PRKCE: variants seen among roughly 807,000 people sequenced by gnomAD.
PRKCE encodes protein kinase C epsilon.
A neutral mutation model predicts 85.4 loss-of-function variants in PRKCE; 16 were observed. That is an observed-to-expected ratio of 0.19 (90% confidence interval 0.13 to 0.28). PRKCE has a LOEUF of 0.28. Among genes scored for constraint, PRKCE ranks in the 10% least tolerant of loss-of-function variants. The pLI, the probability that PRKCE is intolerant of heterozygous loss-of-function variation, is 1.00. For missense variants in PRKCE, 573 were observed against 975.2 expected (o/e 0.59, Z 5.49); for synonymous variants, 388 against 371.5 (o/e 1.04, Z -0.51).
chr2:45,993,549 A>G (rs1379179402), intron 6 of PRKCE, among the ~76,000 whole-genome samples: 1 of 152,220 alleles, frequency 6.6e-6, no homozygotes, highest in African/African-American at 2.4e-5. Flanking sequence ...TGCCAGCCCA[A>G]GTTGTTTTGT....
intron 6 of PRKCE, among the ~76,000 whole-genome samples, chr2:45,987,747 T>C (rs1703454057): frequency 1.3e-5 from 2 of 152,232 alleles, no homozygotes; most frequent in South Asian, 4.1e-4. Context: ...CAGTGCTCGT[T>C]ATCTACCATG....
At chr2:46,108,803 T>C (rs906914098) in intron 11 of PRKCE, among the ~76,000 whole-genome samples, 1 of 152,172 alleles carries the variant, frequency 6.6e-6, no homozygotes. Context: ...GTCTCCTGTG[T>C]TTTATTGTAG....
intron 1 of PRKCE, among the ~76,000 whole-genome samples, chr2:45,762,112 T>C (rs1684560006): frequency 6.6e-6 from 1 of 152,166 alleles, no homozygotes; most frequent in South Asian, 2.1e-4. Context: ...CATTTTATCG[T>C]ATCAAAAATA....
intron 2 of PRKCE, among the ~76,000 whole-genome samples, chr2:45,855,561 T>C (rs1289401836): frequency 6.6e-6 from 1 of 152,178 alleles, no homozygotes; most frequent in Non-Finnish European, 1.5e-5. Context: ...TAAAACACAG[T>C]GCATCGGTGT....
At chr2:46,019,363 T>C (rs1706443843) in intron 10 of PRKCE, among the ~76,000 whole-genome samples, 1 of 152,144 alleles carries the variant, frequency 6.6e-6, no homozygotes, top group Admixed American at 6.5e-5. Context: ...GAGTGTGCCC[T>C]GCCATGGGAT....
At chr2:45,675,861 A>G (rs1253309884) in intron 1 of PRKCE, among the ~76,000 whole-genome samples, 3 of 152,166 alleles carry the variant, frequency 2.0e-5, no homozygotes, top group African/African-American at 7.2e-5. Context: ...GGAAGCCTCC[A>G]GCTGGCAGGA....
intron 10 of PRKCE, among the ~76,000 whole-genome samples, chr2:46,075,337 G>A (rs964166040): frequency 2.9e-4 from 43 of 150,864 alleles, no homozygotes; most frequent in Admixed American, 3.3e-4. Flanking sequence ...TGCCCGGCCC[G>A]CTCAAAAATC....
intron 2 of PRKCE, among the ~76,000 whole-genome samples, chr2:45,887,838 C>T (rs1229214545): frequency 6.6e-6 from 1 of 152,232 alleles, no homozygotes; most frequent in South Asian, 2.1e-4. Context: ...TGGTCTCTGC[C>T]TCACTTTGGC....
chr2:46,085,589 G>A (rs1558437189), intron 10 of PRKCE, among the ~76,000 whole-genome samples: 1 of 115,428 alleles, frequency 8.7e-6, no homozygotes, highest in Non-Finnish European at 1.8e-5. Flanking sequence ...CTGCCTCTGT[G>A]GCCACTTGGC....
chr2:46,085,561 A>AC lies in PRKCE; in HGVS notation c.1438-646dup, dbSNP rs1462251839. 2.6e-5 allele frequency among the ~76,000 whole-genome samples: 3 copies of AC among 115,210 alleles called. 1 individual carries two copies. Among genetic ancestry groups the AC allele is most frequent in the African/African-American group, 1.0e-4 (3 of 29,284 alleles). The allele number at this position is 115,210 out of a possible 152,430, so 75.6% of individuals were successfully genotyped here. Reference sequence around the variant, plus strand: ...GGCTGTCTGCATCCTTTGGCTTGTGACTGTTTCACTCCAATCTCTGCCTCT... The same window carrying AC: ...GGCTGTCTGCATCCTTTGGCTTGTGACCTGTTTCACTCCAATCTCTGCCTCT... On this transcript the variant is annotated intron_variant, in intron 10 of 14. Transcript: ENST00000306156.
chr2:45,860,778 G>A (rs150012525), intron 2 of PRKCE, among the ~76,000 whole-genome samples: 2 of 152,230 alleles, frequency 1.3e-5, no homozygotes, highest in African/African-American at 4.8e-5. Context: ...ACACTCTTGG[G>A]GAACAGGCAT....
intron 2 of PRKCE, among the ~76,000 whole-genome samples, chr2:45,967,034 A>T (rs940210132): frequency 2.0e-5 from 3 of 152,214 alleles, no homozygotes; most frequent in African/African-American, 7.2e-5. Flanking sequence ...CCATGGCTGT[A>T]TATGTCTGAT....
chr2:45,805,268 A>G lies in PRKCE; in HGVS notation c.349-37732A>G, dbSNP rs566037734. ...TGCCCAAGATTGTATAGCTGGACTCAAACCCAGTTGGACAGCATGATTTTG... is the reference window on the plus strand; with the variant it reads ...TGCCCAAGATTGTATAGCTGGACTCGAACCCAGTTGGACAGCATGATTTTG... On this transcript the variant is annotated intron_variant, in intron 1 of 14. Transcript: ENST00000306156. Among the ~76,000 whole-genome samples, 7 of 152,332 alleles carry G rather than the reference A, an allele frequency of 4.6e-5. 1 individual carries two copies. In the South Asian group the frequency reaches 1.4e-3, roughly 32 times the overall value.
chr2:46,139,306 AG>A lies in PRKCE; in HGVS notation c.1593-5784del, dbSNP rs1419575651. Among the ~76,000 whole-genome samples, 11 of 152,222 alleles carry A rather than the reference AG, an allele frequency of 7.2e-5. No homozygotes were observed. The highest frequency in any genetic ancestry group is 2.7e-4 in the African/African-American group (11 of 41,458). On this transcript the variant is annotated intron_variant, in intron 11 of 14. Transcript: ENST00000306156. This position sits in a 1 kb window ranked among gnomAD's most constrained non-coding sequence, Gnocchi z 5.2. ...AACTGGAAAACTGTTACAAAAATAGAGGGTTCGGTATAATGGCAGGGCACAG... is the reference window on the plus strand; with the variant it reads ...AACTGGAAAACTGTTACAAAAATAGAGGTTCGGTATAATGGCAGGGCACAG...
At chr2:45,881,108 C>G (rs919848670) in intron 2 of PRKCE, among the ~76,000 whole-genome samples, 1 of 149,820 alleles carries the variant, frequency 6.7e-6, no homozygotes, top group Admixed American at 6.6e-5. Context: ...AGCCGAGATC[C>G]CGCCACTGCA....
chr2:45,936,752 A>G (rs888125923), intron 2 of PRKCE, among the ~76,000 whole-genome samples: 6 of 152,226 alleles, frequency 3.9e-5, no homozygotes, highest in Non-Finnish European at 5.9e-5. Context: ...AACTTGAGTT[A>G]AAGAAGTGTG....
intron 11 of PRKCE, among the ~76,000 whole-genome samples, chr2:46,129,869 G>A (rs1468642132): frequency 1.3e-5 from 2 of 152,250 alleles, no homozygotes; most frequent in African/African-American, 4.8e-5. Context: ...TTATACTTAT[G>A]CCCTGCAGTG....
chr2:46,170,925 A>T (rs1432805855), intron 14 of PRKCE, among the ~76,000 whole-genome samples: 1 of 152,222 alleles, frequency 6.6e-6, no homozygotes, highest in Non-Finnish European at 1.5e-5. Context: ...GCCAGATTGG[A>T]AAGTTTCTTC....
chr2:45,738,201 A>C (rs980151306), intron 1 of PRKCE, among the ~76,000 whole-genome samples: 3 of 152,206 alleles, frequency 2.0e-5, no homozygotes, highest in African/African-American at 7.2e-5. Flanking sequence ...TCATTAATTA[A>C]CATAGTTTTA....
Sources: gnomAD v4.1 joint callset for allele counts (sites outside exome capture counted in the v4.1 genomes callset) on GRCh38, gnomAD v4.1.1 for gene constraint, Gnocchi (gnomAD v3.1) non-coding constraint, MANE v1.5 for transcripts, NCBI Gene and HGNC (gene_info 2026-07-23, HGNC 2026-07-21) for gene names.